TRMT10B: variants seen among roughly 807,000 people sequenced by gnomAD.
TRMT10B encodes the protein tRNA methyltransferase 10 homolog B.
In TRMT10B, 33 loss-of-function variants were observed where a neutral mutation model predicts 43.8. The ratio of observed to expected loss-of-function variants is 0.75; its 90% confidence interval spans 0.57 to 1.01. The LOEUF is 1.01. TRMT10B is among the 50% of genes least tolerant of loss of function. The probability of loss-of-function intolerance (pLI) is 0.00; values close to 1 mark genes in which losing one functional copy is unlikely to be tolerated. For synonymous variants in TRMT10B, 137 were observed against 130.6 expected, an observed-to-expected ratio of 1.05 and a Z score of -0.34; for missense variants, 362 against 369.8, an observed-to-expected ratio of 0.98 and a Z score of 0.17.
intron 1 of TRMT10B, among the ~76,000 whole-genome samples, chr9:37,761,637 G>C (rs1022092645): frequency 6.6e-6 from 1 of 152,222 alleles, no homozygotes; most frequent in African/African-American, 2.4e-5. Flanking sequence ...GGCAGAGGTT[G>C]CAGTGAGCCA....
rs1449521760 is a variant in TRMT10B at position 37,775,327 on chromosome 9, C to T, written c.721-955C>T. ...AATTATCCCAGTAATCTGAACCTTT[C>T]TCTTTAATCCTGAAGTCTTAGGTAG... On this transcript the variant is annotated intron_variant, in intron 7 of 8. Coordinates refer to ENST00000297994, the MANE Select transcript of TRMT10B (RefSeq NM_144964.4). Among the ~76,000 whole-genome samples, 3 of 146,680 alleles carry T rather than the reference C, an allele frequency of 2.0e-5. No individual in the cohort carries two copies. The South Asian group carries it at 6.2e-4, about 30-fold the overall frequency.
At chr9:37,753,218 C>T (rs939360940), upstream of TRMT10B, among the ~76,000 whole-genome samples, 7 of 152,202 alleles carry the variant, frequency 4.6e-5, no homozygotes, top group East Asian at 1.9e-4. Flanking sequence ...ATTGTAACAC[C>T]GCGATGGTCC....
At chr9:37,770,190 G>T (rs984706506) in intron 6 of TRMT10B, among the ~76,000 whole-genome samples, 171 bp downstream of exon 6, 1 of 152,140 alleles carries the variant, frequency 6.6e-6, no homozygotes, top group Non-Finnish European at 1.5e-5. Context: ...TGGATGCTTC[G>T]ATGTGTCTTA....
At chr9:37,765,930 GTT>G (rs36167672) in intron 4 of TRMT10B, among the ~76,000 whole-genome samples, 1 of 143,330 alleles carries the variant, frequency 7.0e-6, no homozygotes, top group Non-Finnish European at 1.5e-5. Flanking sequence ...TTTTTGATGG[GTT>G]TTTTTTTTTT....
chr9:37,753,424 T>A (rs908190468), upstream of TRMT10B, among the ~76,000 whole-genome samples: 4 of 152,220 alleles, frequency 2.6e-5, no homozygotes, highest in African/African-American at 4.8e-5. Context: ...CTTCCTGTAA[T>A]GGCCATAACT....
At chr9:37,770,639 A>G (rs1454399014) in intron 6 of TRMT10B, 33 bp from the exon 7 acceptor site, 1 of 1,571,114 alleles carries the variant, frequency 6.4e-7, no homozygotes, top group Non-Finnish European at 8.7e-7. Flanking sequence ...TATAAAACAG[A>G]TTTGATCTCA....
intron 5 of TRMT10B, among the ~76,000 whole-genome samples, chr9:37,768,541 G>A (rs1827225141): frequency 6.6e-6 from 1 of 152,208 alleles, no homozygotes; most frequent in Non-Finnish European, 1.5e-5. Flanking sequence ...GGAAACATGA[G>A]TTTTGGGGGA....
At chr9:37,776,519 A>G (rs1380900605) in intron 8 of TRMT10B, 114 bp downstream of exon 8, 3 of 1,299,680 alleles carry the variant, frequency 2.3e-6, no homozygotes. Context: ...TGTGGACTTT[A>G]TTGCATGTAC....
At chr9:37,753,393 A>G (rs1389638123), upstream of TRMT10B, among the ~76,000 whole-genome samples, 2 of 152,232 alleles carry the variant, frequency 1.3e-5, no homozygotes, top group African/African-American at 4.8e-5. Flanking sequence ...GTGCATGTCC[A>G]ACCGCCCCGC....
intron 1 of TRMT10B, among the ~76,000 whole-genome samples, chr9:37,757,411 A>G (rs1247556884): frequency 2.0e-5 from 3 of 152,188 alleles, no homozygotes; most frequent in South Asian, 2.1e-4. Flanking sequence ...GGAGATACAC[A>G]TTATGAAATT....
intron 4 of TRMT10B, among the ~76,000 whole-genome samples, chr9:37,764,307 C>G (rs1447830763): frequency 2.0e-5 from 3 of 149,616 alleles, no homozygotes; most frequent in Non-Finnish European, 4.4e-5. Context: ...TGCCACCACG[C>G]CTGACAAATT....
chr9:37,755,364 G>T (rs1401601521), intron 1 of TRMT10B, among the ~76,000 whole-genome samples: 1 of 150,582 alleles, frequency 6.6e-6, no homozygotes, highest in African/African-American at 2.5e-5. Context: ...CAATGTGGAT[G>T]CCCTTAGGTG....
In TRMT10B at chr9:37,763,159, A is replaced by ACAAAAAC. The variant is rs200884185; in HGVS notation, c.296-470_296-469insCAAAAAC. 1.3e-3 allele frequency among the ~76,000 whole-genome samples: 187 copies of ACAAAAAC among 143,042 alleles called. 1 individual carries two copies. Among genetic ancestry groups the ACAAAAAC allele is most frequent in the South Asian group, 4.6e-3 (21 of 4,612 alleles). The allele number at this position is 143,042 out of a possible 152,430, so 93.8% of individuals were successfully genotyped here. On this transcript the variant is annotated intron_variant, in intron 3 of 8. Coordinates refer to ENST00000297994, the MANE Select transcript of TRMT10B (RefSeq NM_144964.4). ...ACTCTGTCTCAAAAAAAAAAAAAAA[A>ACAAAAAC]AAAAAACAAAAAAAAAAATTTAAGG...
intron 3 of TRMT10B, among the ~76,000 whole-genome samples, chr9:37,763,143 C>CAAAAAAAAAAAAAAAAAAAA (rs747893643): frequency 8.0e-5 from 4 of 50,192 alleles, no homozygotes; most frequent in East Asian, 7.9e-4. Flanking sequence ...GACTCTGTCT[C>CAAAAAAAAAAAAAAAAAAAA]AAAAAAAAAA....
chr9:37,768,460 A>C (rs1319151973), intron 5 of TRMT10B, among the ~76,000 whole-genome samples: 1 of 152,194 alleles, frequency 6.6e-6, no homozygotes, highest in African/African-American at 2.4e-5. Context: ...TATTTATGCT[A>C]GACTGTATAC....
At position 37,768,179 on chromosome 9, in the gene TRMT10B, C is replaced by G; in HGVS notation, c.524C>G (p.Pro175Arg). ...ICLTGFTTDS[P>R]LYEECVRMND... ...CTCACTGGATTCACAACAGACAGTC[C>G]CCTTTATGAAGAGTGTGTGAGGATG... The change falls in exon 5 of 9, where the codon CCC becomes CGC. Residue 175 changes from proline to arginine, a missense_variant. Transcript: ENST00000297994. 1 of 1,614,086 alleles carries G rather than the reference C, an allele frequency of 6.2e-7. No homozygotes were observed. Among genetic ancestry groups the G allele is most frequent in the Non-Finnish European group, 8.5e-7 (1 of 1,179,976 alleles).
intron 7 of TRMT10B, 94 bp from the exon 8 acceptor site, chr9:37,776,188 C>T: frequency 1.8e-6 from 2 of 1,087,618 alleles, no homozygotes; most frequent in East Asian, 3.1e-5. Context: ...TTCTTCCATT[C>T]CACAATAGGC....
intron 1 of TRMT10B, among the ~76,000 whole-genome samples, chr9:37,757,706 G>A (rs976279301): frequency 8.8e-5 from 13 of 147,340 alleles, no homozygotes; most frequent in African/African-American, 3.2e-4. Flanking sequence ...AAGGGGTTTT[G>A]AATAGTAGTT....
At position 37,763,623 on chromosome 9, in the gene TRMT10B, C is replaced by CAA. The variant is rs768894426; in HGVS notation, c.296-6_296-5insAA. The CAA allele has an allele frequency of 1.2e-6, 2 of 1,612,470 alleles. No individual in the cohort carries two copies. The highest frequency in any genetic ancestry group is 1.7e-4 in the Middle Eastern group (1 of 6,052). On this transcript the variant is annotated splice_region_variant and splice_polypyrimidine_tract_variant and intron_variant, in intron 3 of 8. Transcript: ENST00000297994. ...CTTTTATTTCTTTCTGATATTTCTG[C>CAA]TTTAGGCATTTGCCCCCAGCACAGC...
Sources: gnomAD v4.1 joint callset for allele counts (sites outside exome capture counted in the v4.1 genomes callset) on GRCh38, gnomAD v4.1.1 for gene constraint, MANE v1.5 for transcripts, NCBI Gene and HGNC (gene_info 2026-07-23, HGNC 2026-07-21) for gene names.